The following TNFRSF9 variants were observed in gnomAD, a reference collection of about 807,000 sequenced individuals.
The protein encoded by TNFRSF9 is tumor necrosis factor receptor superfamily member 9.
In TNFRSF9, 16 loss-of-function variants were observed where a neutral mutation model predicts 28.8. That is an observed-to-expected ratio of 0.55 (90% CI 0.38 to 0.84). The LOEUF is 0.84. TNFRSF9 is among the 40% of genes least tolerant of loss of function. The pLI, the probability that TNFRSF9 is intolerant of heterozygous loss-of-function variation, is 0.00. For synonymous variants in TNFRSF9, 131 were observed against 117.0 expected (o/e 1.12, Z -0.77); for missense variants, 303 against 315.0 (o/e 0.96, Z 0.29).
Position 7,918,730 on chromosome 1 carries a change from A to G in TNFRSF9, c.*2105T>C, listed in dbSNP as rs1340586008. ...GCATTTTATTTAAAAAAATAAACACAAATGGTATATAAATATTTGACAAGG... is the reference window on the plus strand; with the variant it reads ...GCATTTTATTTAAAAAAATAAACACGAATGGTATATAAATATTTGACAAGG... On this transcript the variant is annotated 3_prime_UTR_variant, in exon 8 of 8. Coordinates refer to ENST00000377507, the MANE Select transcript of TNFRSF9 (RefSeq NM_001561.6). The G allele has an allele frequency of 6.6e-6, 1 of 152,202 alleles. No individual in the cohort carries two copies. The highest frequency in any genetic ancestry group is 1.5e-5 in the Non-Finnish European group (1 of 68,050). 9.4% of individuals were successfully genotyped at this position (152,202 alleles called of 1,614,324 possible).
rs907968461 is a variant in TNFRSF9, at chr1:7,916,651, T to A, written c.*4184A>T. On this transcript the variant is annotated 3_prime_UTR_variant, in exon 8 of 8. Transcript: ENST00000377507. ...AGAAATCACTTTAGAACTTACAGCA[T>A]CATGATTCAGAAAGACAAAAATATT... The A allele has an allele frequency of 6.6e-6, 1 of 152,128 alleles. No homozygotes were observed. The highest frequency in any genetic ancestry group is 1.5e-5 in the Non-Finnish European group (1 of 68,030). 9.4% of individuals were successfully genotyped at this position (152,128 alleles called of 1,614,324 possible).
intron 7 of TNFRSF9, among the ~76,000 whole-genome samples, chr1:7,932,372 T>A (rs1006799742): frequency 1.3e-5 from 2 of 152,218 alleles, no homozygotes; most frequent in African/African-American, 4.8e-5. Context: ...CAAATAAATA[T>A]CAATGGCTTT....
intron 6 of TNFRSF9, among the ~76,000 whole-genome samples, chr1:7,934,743 A>G (rs1306925994): frequency 6.6e-6 from 1 of 152,134 alleles, no homozygotes; most frequent in Admixed American, 6.6e-5. Flanking sequence ...AAAAGAAAAA[A>G]TATGGGACCC....
At chr1:7,926,321 A>G (rs1432604987) in intron 7 of TNFRSF9, among the ~76,000 whole-genome samples, 3 of 152,186 alleles carry the variant, frequency 2.0e-5, no homozygotes, top group African/African-American at 7.2e-5. Context: ...GGTTTGTAGT[A>G]TAGGAGGGAT....
rs1639758231 is a variant in TNFRSF9, at chr1:7,933,097, A to G, written c.679+65T>C. The stretch of plus-strand genomic sequence containing the variant: ...TTTCTAGAATTTTTTTTAAAATCAT[A>G]TTTTCCTTTCTATTATAAAAAGCCT... On this transcript the variant is annotated intron_variant, in intron 7 of 7. Coordinates refer to ENST00000377507, the MANE Select transcript of TNFRSF9 (RefSeq NM_001561.6). The G allele has an allele frequency of 1.2e-5, 19 of 1,525,640 alleles. No homozygotes were observed. In the South Asian group the frequency reaches 2.2e-4, roughly 17 times the overall value. 94.5% of individuals were successfully genotyped at this position (1,525,640 alleles called of 1,614,324 possible).
rs1366809131 is a variant in TNFRSF9, at chr1:7,921,293, G to A, written c.680-370C>T. Among the ~76,000 whole-genome samples the A allele has an allele frequency of 3.3e-5, 5 of 151,316 alleles. No individual in the cohort carries two copies. In the South Asian group the frequency reaches 1.0e-3, roughly 32 times the overall value. On this transcript the variant is annotated intron_variant, in intron 7 of 7. Transcript: ENST00000377507. ...AGAGATTGCAGTGACTTGAGATGGC[G>A]CCATTGCACTCCAGCCTGGGTGACA...
chr1:7,932,403 A>G (rs1639744465), intron 7 of TNFRSF9, among the ~76,000 whole-genome samples: 1 of 152,246 alleles, frequency 6.6e-6, no homozygotes, highest in African/African-American at 2.4e-5. Flanking sequence ...ATGCTGACTC[A>G]GTGCCAGGCA....
chr1:7,932,661 A>G (rs1001298432), intron 7 of TNFRSF9, among the ~76,000 whole-genome samples: 13 of 151,604 alleles, frequency 8.6e-5, no homozygotes, highest in Non-Finnish European at 5.9e-5. Context: ...CTCCACACGC[A>G]CACACACACA....
At chr1:7,920,975 T>A in intron 7 of TNFRSF9, 52 bp from the exon 8 acceptor site, 1 of 1,234,100 alleles carries the variant, frequency 8.1e-7, no homozygotes, top group Non-Finnish European at 1.2e-6. Flanking sequence ...TTGAATCATT[T>A]AACACTTATT....
intron 2 of TNFRSF9, 130 bp from the exon 3 acceptor site, chr1:7,938,958 T>C (rs1639861714): frequency 1.7e-6 from 1 of 582,308 alleles, no homozygotes; most frequent in Non-Finnish European, 3.0e-6. Context: ...TGGTGGACAT[T>C]AGTTTGATTG....
Position 7,918,417 on chromosome 1 carries a change from T to C in TNFRSF9, c.*2418A>G, listed in dbSNP as rs1418377566. On this transcript the variant is annotated 3_prime_UTR_variant, in exon 8 of 8. Transcript: ENST00000377507. ...TTTCTGAGAAAAGGTTTTTCTCTGT[T>C]GCCCAGGCTGAAGTGTAGTGATGCG... The C allele has an allele frequency of 1.3e-5, 2 of 152,116 alleles. No homozygotes were observed. Among genetic ancestry groups the C allele is most frequent in the Non-Finnish European group, 2.9e-5 (2 of 68,030 alleles). 9.4% of individuals were successfully genotyped at this position (152,116 alleles called of 1,614,324 possible).
chr1:7,932,534 C>T (rs1426162819), intron 7 of TNFRSF9, among the ~76,000 whole-genome samples: 1 of 152,168 alleles, frequency 6.6e-6, no homozygotes, highest in Non-Finnish European at 1.5e-5. Flanking sequence ...CCCCTTCAAG[C>T]TCCCTCTTTG....
At chr1:7,933,809 G>A (rs1358372659) in intron 6 of TNFRSF9, among the ~76,000 whole-genome samples, 1 of 152,158 alleles carries the variant, frequency 6.6e-6, no homozygotes, top group Non-Finnish European at 1.5e-5. Context: ...CTGAGGTCAA[G>A]AGTTTGAAAC....
chr1:7,940,350 C>T (rs1212106395), intron 1 of TNFRSF9, among the ~76,000 whole-genome samples: 1 of 152,162 alleles, frequency 6.6e-6, no homozygotes, highest in East Asian at 1.9e-4. Flanking sequence ...ATAGCAAGAA[C>T]TTTTGGGGAC....
chr1:7,934,712 C>CA (rs77886319), intron 6 of TNFRSF9, among the ~76,000 whole-genome samples: 8,315 of 149,646 alleles, frequency 0.056, 1,167 homozygotes, highest in East Asian at 0.51. Context: ...CTCTTAAAAA[C>CA]AAAAAAAAAG....
intron 7 of TNFRSF9, among the ~76,000 whole-genome samples, chr1:7,929,894 G>A (rs552198227): frequency 6.7e-6 from 1 of 150,280 alleles, no homozygotes; most frequent in Admixed American, 6.7e-5. Flanking sequence ...CATGAGAGAT[G>A]TTCCTGTCTT....
chr1:7,936,362 A>G (rs904137641), intron 5 of TNFRSF9: 1 of 153,766 alleles, frequency 6.5e-6, no homozygotes, highest in Non-Finnish European at 1.4e-5. Flanking sequence ...GTTTGCAGTG[A>G]GGCGAGACCG....
intron 7 of TNFRSF9, among the ~76,000 whole-genome samples, chr1:7,929,046 T>C (rs1639693944): frequency 6.6e-6 from 1 of 152,018 alleles, no homozygotes; most frequent in Non-Finnish European, 1.5e-5. Context: ...GCACCAAGGC[T>C]ACTGTATCTT....
chr1:7,920,686 C>A lies in TNFRSF9; in HGVS notation c.*149G>T. ...AAAGTGGTGCATTTTTAAAGGCCAA[C>A]TCATTGGCATTTAGAAAAGAACGTG... On this transcript the variant is annotated 3_prime_UTR_variant, in exon 8 of 8. Coordinates refer to ENST00000377507, the MANE Select transcript of TNFRSF9 (RefSeq NM_001561.6). 3.2e-6 allele frequency: 2 copies of A among 626,630 alleles called. No homozygotes were observed. The highest frequency in any genetic ancestry group is 5.6e-6 in the Non-Finnish European group (2 of 356,274). The allele number at this position is 626,630 out of a possible 1,614,324, so 38.8% of individuals were successfully genotyped here.
Sources: gnomAD v4.1 joint callset for allele counts (sites outside exome capture counted in the v4.1 genomes callset) on GRCh38, gnomAD v4.1.1 for gene constraint, MANE v1.5 for transcripts, NCBI Gene and HGNC (gene_info 2026-07-23, HGNC 2026-07-21) for gene names.